ZNF546: variants seen among roughly 807,000 people sequenced by gnomAD.
ZNF546 encodes the protein CTC-471F3.6.
ZNF546 carries 60 observed loss-of-function variants against 76.2 expected under a neutral mutation model. That is an observed-to-expected ratio of 0.79 (90% confidence interval 0.64 to 0.98). The LOEUF (loss-of-function observed/expected upper bound fraction) is 0.98. ZNF546 is among the 50% of genes least tolerant of loss of function. The pLI is 0.00. For synonymous variants in ZNF546, 277 were observed against 328.1 expected (o/e 0.84, Z 1.68); for missense variants, 936 against 1,035.6 (o/e 0.90, Z 1.32).
intron 3 of ZNF546, among the ~76,000 whole-genome samples, chr19:39,998,956 C>T (rs1490584419): frequency 6.6e-6 from 1 of 151,800 alleles, no homozygotes; most frequent in South Asian, 2.1e-4. Flanking sequence ...TATTTTTAGT[C>T]GAGACAGGGT....
Position 40,013,659 on chromosome 19 carries a change from TTGCAGA to T in ZNF546, c.395-4_396del. The T allele has an allele frequency of 2.2e-6, 3 of 1,385,826 alleles. No individual in the cohort carries two copies. The highest frequency in any genetic ancestry group is 2.6e-5 in the East Asian group (1 of 38,944). 85.8% of individuals were successfully genotyped at this position (1,385,826 alleles called of 1,614,324 possible). On this transcript the variant is annotated splice_acceptor_variant and splice_polypyrimidine_tract_variant and coding_sequence_variant and intron_variant, in exon 7 of 7. Transcript: ENST00000347077. LOFTEE classifies it high-confidence loss of function. ...TCTTTGCTTTTTTTTTTTTTTTTTT[TTGCAGA>T]TTTGGAATACAAGTATATTACCAAG...
rs566017508 is a variant in ZNF546 at position 39,997,995 on chromosome 19, A to G, written c.-80+80A>G. On this transcript the variant is annotated intron_variant, in intron 2 of 6. Coordinates refer to ENST00000347077, the MANE Select transcript of ZNF546 (RefSeq NM_178544.5). ...CACACAGCCTTGCCTGCACCCAGTC[A>G]TACGGCGTGGTACCACACTGCTATG... The G allele has an allele frequency of 5.6e-5, 15 of 269,064 alleles. No individual in the cohort carries two copies. The South Asian group carries it at 1.0e-3, about 18-fold the overall frequency. The allele number at this position is 269,064 out of a possible 1,614,324, so 16.7% of individuals were successfully genotyped here.
intron 6 of ZNF546, among the ~76,000 whole-genome samples, chr19:40,010,414 AAAAG>A (rs1971657069): frequency 1.3e-5 from 2 of 151,988 alleles, no homozygotes; most frequent in Admixed American, 6.6e-5. Context: ...AAAAAAAAAA[AAAAG>A]AAGAAGAAAG....
At position 40,015,965 on chromosome 19, in the gene ZNF546, A is replaced by G. The variant is rs935757086; in HGVS notation, c.*184A>G. On this transcript the variant is annotated 3_prime_UTR_variant, in exon 7 of 7. Coordinates refer to ENST00000347077, the MANE Select transcript of ZNF546 (RefSeq NM_178544.5). ...CACTCAGTCCCTGTTAGACTTTAGA[A>G]GATTGATACTGATGCACTGCATCCC... is the stretch of plus-strand genomic sequence containing the variant. 9.7e-6 allele frequency: 6 copies of G among 618,986 alleles called. No homozygotes were observed. Among genetic ancestry groups the G allele is most frequent in the Non-Finnish European group, 8.5e-6 (3 of 354,958 alleles). The allele number at this position is 618,986 out of a possible 1,614,324, so 38.3% of individuals were successfully genotyped here.
chr19:40,001,180 G>A (rs1161122680), intron 3 of ZNF546, among the ~76,000 whole-genome samples: 1 of 152,134 alleles, frequency 6.6e-6, no homozygotes, highest in African/African-American at 2.4e-5. Context: ...AAATACAGAT[G>A]AAGCTTCCCT....
At chr19:40,001,155 A>G (rs1971524531) in intron 3 of ZNF546, among the ~76,000 whole-genome samples, 1 of 152,098 alleles carries the variant, frequency 6.6e-6, no homozygotes, top group South Asian at 2.1e-4. Context: ...AATGCTAGCA[A>G]TGGGGAGTAG....
chr19:40,002,169 G>A (rs1160714899), intron 3 of ZNF546, among the ~76,000 whole-genome samples: 3 of 152,066 alleles, frequency 2.0e-5, no homozygotes, highest in African/African-American at 7.2e-5. Context: ...AAATAAATAT[G>A]GACCAATATA....
Position 40,014,943 on chromosome 19 carries a change from G to A in ZNF546, c.1673G>A (p.Cys558Tyr). 1 of 1,614,176 alleles carries A rather than the reference G, an allele frequency of 6.2e-7. No individual in the cohort carries two copies. The highest frequency in any genetic ancestry group is 1.3e-5 in the African/African-American group (1 of 75,068). ...TCEKPYECKE[C>Y]GKAFIHSNQF... ...GAGAAACCCTATGAATGTAAGGAAT[G>A]TGGGAAGGCTTTTATTCATAGCAAT... The change falls in exon 7 of 7, where the codon TGT becomes TAT. Residue 558 changes from cysteine to tyrosine, a missense_variant. Cys to Tyr is a radical substitution (Grantham distance 194, BLOSUM62 -2). Coordinates refer to ENST00000347077, the MANE Select transcript of ZNF546 (RefSeq NM_178544.5).
rs17653956 is a variant in ZNF546 at position 40,014,152 on chromosome 19, A to G, written c.882A>G (p.Ile294Met). The G allele has an allele frequency of 3.1e-6, 5 of 1,611,322 alleles. No individual in the cohort carries two copies. The highest frequency in any genetic ancestry group is 1.3e-5 in the African/African-American group (1 of 74,088). ...LHYHLTEHQRIHSGVKPYECK... is the reference protein window; with the variant it reads ...LHYHLTEHQRMHSGVKPYECK... ...ATCACCTTACTGAACATCAGAGAAT[A>G]CATTCTGGTGTGAAACCCTACGAGT... is the stretch of plus-strand genomic sequence containing the variant. Residue 294 changes from isoleucine to methionine, a missense_variant, in exon 7 of 7, where the codon ATA (isoleucine) becomes ATG (methionine). Coordinates refer to ENST00000347077, the MANE Select transcript of ZNF546 (RefSeq NM_178544.5).
rs200338994 is a variant in ZNF546, at chr19:40,014,915, T to A, written c.1645T>A (p.Cys549Ser). The A allele has an allele frequency of 6.2e-7, 1 of 1,606,342 alleles. No homozygotes were observed. Among genetic ancestry groups the A allele is most frequent in the Non-Finnish European group, 8.5e-7 (1 of 1,177,192 alleles). ...ELTRHHRIHTCEKPYECKECG... is the reference protein window; with the variant it reads ...ELTRHHRIHTSEKPYECKECG... ...TACCCGACATCACAGAATTCATACA[T>A]GTGAGAAACCCTATGAATGTAAGGA... Residue 549 changes from cysteine (C) to serine (S), a missense_variant, in exon 7 of 7, where the codon TGT (cysteine) becomes AGT (serine). By Grantham distance (112) the Cys-to-Ser change is moderately radical (BLOSUM62 -1). Coordinates refer to ENST00000347077, the MANE Select transcript of ZNF546 (RefSeq NM_178544.5).
At position 40,015,934 on chromosome 19, in the gene ZNF546, T is replaced by C; in HGVS notation, c.*153T>C. ...CGTATGTTAAAGAGTCGAAAGACTA[T>C]AGCATCACTCAGTCCCTGTTAGACT... On this transcript the variant is annotated 3_prime_UTR_variant, in exon 7 of 7. Coordinates refer to ENST00000347077, the MANE Select transcript of ZNF546 (RefSeq NM_178544.5). The C allele has an allele frequency of 2.8e-6, 2 of 714,296 alleles. No individual in the cohort carries two copies. The highest frequency in any genetic ancestry group is 4.7e-6 in the Non-Finnish European group (2 of 422,570). The allele number at this position is 714,296 out of a possible 1,614,324, so 44.2% of individuals were successfully genotyped here.
intron 3 of ZNF546, among the ~76,000 whole-genome samples, chr19:39,999,106 A>G (rs1971493985): frequency 6.6e-6 from 1 of 152,234 alleles, no homozygotes; most frequent in Non-Finnish European, 1.5e-5. Flanking sequence ...TCTCACTAAT[A>G]TTAGGATTTA....
At position 40,015,303 on chromosome 19, in the gene ZNF546, A is replaced by G. The variant is rs1971746145; in HGVS notation, c.2033A>G (p.Tyr678Cys). The change falls in exon 7 of 7, where the codon TAT becomes TGT. Residue 678 changes from tyrosine (Y) to cysteine (C), a missense_variant. Coordinates refer to ENST00000347077, the MANE Select transcript of ZNF546 (RefSeq NM_178544.5). Reference protein sequence around the residue: ...TECGKTFSRHYHLTQHHRGHT... With the variant: ...TECGKTFSRHCHLTQHHRGHT... ...TGTGGGAAGACGTTTAGTCGGCACT[A>G]TCATCTTACTCAACATCACAGAGGC... 1.2e-6 allele frequency: 2 copies of G among 1,614,026 alleles called. No individual in the cohort carries two copies. The highest frequency in any genetic ancestry group is 1.7e-6 in the Non-Finnish European group (2 of 1,180,000).
rs1261005492 is a variant in ZNF546 at position 40,020,122 on chromosome 19, T to C, written c.*4341T>C. The stretch of plus-strand genomic sequence containing the variant: ...ATAGATTTAATGGCATGTAGGGGTT[T>C]GCGTGAATATATACAGTTGAAATTC... On this transcript the variant is annotated 3_prime_UTR_variant, in exon 7 of 7. Coordinates refer to ENST00000347077, the MANE Select transcript of ZNF546 (RefSeq NM_178544.5). 1 of 152,170 alleles carries C rather than the reference T, an allele frequency of 6.6e-6. No homozygotes were observed. The highest frequency in any genetic ancestry group is 1.9e-4 in the East Asian group (1 of 5,202). 9.4% of individuals were successfully genotyped at this position (152,170 alleles called of 1,614,324 possible). A position where few individuals can be genotyped will look rare whatever the true frequency, so the allele number is the denominator to read the frequency against.
chr19:40,001,381 T>A (rs917436346), intron 3 of ZNF546, among the ~76,000 whole-genome samples: 11 of 148,732 alleles, frequency 7.4e-5, no homozygotes, highest in Admixed American at 5.3e-4. Flanking sequence ...TTTTTTTTTT[T>A]AAATGAAGTC....
At chr19:39,997,266 G>A (rs558664826) in intron 1 of ZNF546, 109 bp downstream of exon 1, 1 of 152,804 alleles carries the variant, frequency 6.5e-6, no homozygotes, top group South Asian at 2.1e-4. Context: ...GGAGCCTCAG[G>A]CCTGTGCGTG....
chr19:39,997,443 C>T (rs1971468561), intron 1 of ZNF546, among the ~76,000 whole-genome samples: 1 of 152,150 alleles, frequency 6.6e-6, no homozygotes, highest in Non-Finnish European at 1.5e-5. Flanking sequence ...GACCCTCTAC[C>T]CTCCTCACGG....
Position 39,998,338 on chromosome 19 carries a change from C to A in ZNF546, c.12C>A (p.Asp4Glu). The A allele has an allele frequency of 6.3e-7, 1 of 1,592,652 alleles. No homozygotes were observed. Residue 4 changes from aspartate to glutamate, a missense_variant, in exon 3 of 7, where the codon GAC becomes GAA. Transcript: ENST00000347077. ...GTGAACAATGGACCATGCAGGTGGA[C>A]CCTCCTCTTCACGGGCCTCCAAATG... MQVDPPLHGPPNDF... is the reference protein window; with the variant it reads MQVEPPLHGPPNDF...
At chr19:40,001,738 G>A (rs572593000) in intron 3 of ZNF546, among the ~76,000 whole-genome samples, 2 of 152,226 alleles carry the variant, frequency 1.3e-5, no homozygotes, top group African/African-American at 4.8e-5. Flanking sequence ...GCATCTTCAA[G>A]GCTCAGCTCT....
Sources: allele counts gnomAD v4.1 joint callset (sites outside exome capture counted in the v4.1 genomes callset), GRCh38; gene constraint gnomAD v4.1.1; transcripts MANE v1.5; gene names NCBI Gene and HGNC (gene_info 2026-07-23, HGNC 2026-07-21).